Variants in AQP9 observed in about 807,000 individuals in gnomAD.
AQP9 encodes the protein aquaporin 9, also known as aquaporin-9.
A neutral mutation model predicts 23.8 loss-of-function variants in AQP9; 19 were observed. The observed-to-expected ratio is 0.80, with a 90% confidence interval of 0.56 to 1.17. The LOEUF (loss-of-function observed/expected upper bound fraction) is 1.17, where lower values mean the gene tolerates loss of function less well. AQP9 is among the 50% of genes most tolerant of loss of function. The pLI is 0.00. For missense variants in AQP9, 413 were observed against 362.0 expected, an observed-to-expected ratio of 1.14 and a Z score of -1.14; for synonymous variants, 153 against 131.5, an observed-to-expected ratio of 1.16 and a Z score of -1.12.
intron 1 of AQP9, among the ~76,000 whole-genome samples, chr15:58,149,628 T>C (rs1284625761): frequency 1.3e-5 from 2 of 152,206 alleles, no homozygotes; most frequent in African/African-American, 4.8e-5. Context: ...TATCTTCATA[T>C]GTTCAAAAGG....
At chr15:58,166,029 G>T (rs1411942943) in intron 1 of AQP9, among the ~76,000 whole-genome samples, 1 of 152,182 alleles carries the variant, frequency 6.6e-6, no homozygotes, top group Non-Finnish European at 1.5e-5. Flanking sequence ...TTTTTCTAAT[G>T]CATGGTACAA....
intron 1 of AQP9, among the ~76,000 whole-genome samples, chr15:58,158,703 A>G (rs1898313393): frequency 6.6e-6 from 1 of 152,230 alleles, no homozygotes; most frequent in Non-Finnish European, 1.5e-5. Context: ...TCTATACACT[A>G]CAACATTCTT....
In AQP9 at chr15:58,179,229, G is replaced by T. The variant is rs1898827023; in HGVS notation, c.597G>T (p.Leu199=). The T allele has an allele frequency of 6.2e-7, 1 of 1,614,044 alleles. No homozygotes were observed. The highest frequency in any genetic ancestry group is 1.1e-5 in the South Asian group (1 of 91,076). Residue 199 remains leucine (L), a synonymous_variant, in exon 5 of 6, where the codon CTG becomes CTT. Transcript: ENST00000219919. ...TAGAGCCCATTGCCATCGGCCTCCT[G>T]ATTATTGTCATTGCTTCCTCCCTGG... is the stretch of plus-strand genomic sequence containing the variant. The part of the protein sequence containing the change: ...RGLEPIAIGL[L]IIVIASSLGL...
At chr15:58,147,146 G>C (rs1034921178) in intron 1 of AQP9, among the ~76,000 whole-genome samples, 1 of 152,120 alleles carries the variant, frequency 6.6e-6, no homozygotes, top group Non-Finnish European at 1.5e-5. Context: ...TTCTGCTTCT[G>C]ATTGTGAATT....
chr15:58,171,772 G>A (rs987491655), intron 2 of AQP9, among the ~76,000 whole-genome samples: 1 of 152,128 alleles, frequency 6.6e-6, no homozygotes. Context: ...AAAAAGCATA[G>A]CTTTCTCCAC....
intron 1 of AQP9, among the ~76,000 whole-genome samples, chr15:58,166,046 T>C (rs573932492): frequency 2.0e-5 from 3 of 152,356 alleles, no homozygotes; most frequent in African/African-American, 7.2e-5. Context: ...ACAAATGGCC[T>C]TTCCCCTTTA....
chr15:58,159,569 A>G (rs1898331030), intron 1 of AQP9, among the ~76,000 whole-genome samples: 1 of 152,186 alleles, frequency 6.6e-6, no homozygotes, highest in Non-Finnish European at 1.5e-5. Flanking sequence ...ATTATTGTTA[A>G]CTATAGTCAT....
intron 2 of AQP9, among the ~76,000 whole-genome samples, chr15:58,167,079 G>A (rs941555480): frequency 2.0e-5 from 3 of 152,166 alleles, no homozygotes; most frequent in Admixed American, 6.5e-5. Context: ...ACCAGTCAAC[G>A]GGATTTTTTA....
chr15:58,177,443 G>C (rs1404574341), intron 4 of AQP9, among the ~76,000 whole-genome samples: 3 of 152,212 alleles, frequency 2.0e-5, no homozygotes, highest in African/African-American at 7.2e-5. Flanking sequence ...CTGCAAGAGA[G>C]AGTTGGAGAA....
At chr15:58,147,584 T>A (rs1422828093) in intron 1 of AQP9, among the ~76,000 whole-genome samples, 1 of 152,166 alleles carries the variant, frequency 6.6e-6, no homozygotes, top group African/African-American at 2.4e-5. Flanking sequence ...TGGCTGGTCA[T>A]GCTAAGATGT....
intron 4 of AQP9, among the ~76,000 whole-genome samples, chr15:58,176,706 G>C (rs1192924993): frequency 9.3e-5 from 14 of 150,968 alleles, no homozygotes; most frequent in Non-Finnish European, 4.4e-5. Flanking sequence ...CACCTCCCAG[G>C]TTCAAGCAAT....
chr15:58,167,507 A>G (rs942386805), intron 2 of AQP9, among the ~76,000 whole-genome samples: 1 of 152,200 alleles, frequency 6.6e-6, no homozygotes, highest in Non-Finnish European at 1.5e-5. Context: ...GCACTGTGCT[A>G]AATGCCAGAC....
intron 1 of AQP9, among the ~76,000 whole-genome samples, chr15:58,161,908 G>A (rs1051298141): frequency 1.3e-5 from 2 of 152,016 alleles, no homozygotes; most frequent in Non-Finnish European, 1.5e-5. Context: ...GCCAACAAGT[G>A]TCATCCCTGG....
At chr15:58,182,073 C>T (rs1235704661) in intron 5 of AQP9, among the ~76,000 whole-genome samples, 2 of 152,110 alleles carry the variant, frequency 1.3e-5, no homozygotes, top group Admixed American at 6.5e-5. Context: ...GCAGGTACAG[C>T]GAGATGCCAG....
At chr15:58,146,194 C>G (rs1898040717) in intron 1 of AQP9, among the ~76,000 whole-genome samples, 1 of 151,938 alleles carries the variant, frequency 6.6e-6, no homozygotes, top group Admixed American at 6.5e-5. Context: ...CTTGCCTTTC[C>G]CCCAGTCTGT....
At chr15:58,145,027 A>G (rs1898018795) in intron 1 of AQP9, among the ~76,000 whole-genome samples, 1 of 151,534 alleles carries the variant, frequency 6.6e-6, no homozygotes, top group African/African-American at 2.4e-5. Flanking sequence ...AAAAAAAAAA[A>G]AAAAAAGATA....
intron 1 of AQP9, among the ~76,000 whole-genome samples, chr15:58,157,624 C>T (rs890099410): frequency 2.0e-5 from 3 of 151,956 alleles, no homozygotes; most frequent in African/African-American, 4.8e-5. Context: ...TCAGCGTTAG[C>T]GGGGAGTGTG....
At chr15:58,153,943 A>G (rs1566982849) in intron 1 of AQP9, 1 of 152,120 alleles carries the variant, frequency 6.6e-6, no homozygotes, top group Non-Finnish European at 1.5e-5. Flanking sequence ...AATTAACCCA[A>G]TTAAGCACCT....
chr15:58,157,557 C>T (rs916110928), intron 1 of AQP9, among the ~76,000 whole-genome samples: 3 of 152,128 alleles, frequency 2.0e-5, no homozygotes, highest in Admixed American at 6.5e-5. Flanking sequence ...GTGGCTCATC[C>T]GTGTGGAAAA....
Sources: gnomAD v4.1 joint callset for allele counts (sites outside exome capture counted in the v4.1 genomes callset) on GRCh38, gnomAD v4.1.1 for gene constraint, MANE v1.5 for transcripts, NCBI Gene and HGNC (gene_info 2026-07-23, HGNC 2026-07-21) for gene names.